Variants in PCCA observed in about 807,000 individuals in gnomAD.
PCCA encodes the protein propionyl-CoA carboxylase alpha chain, mitochondrial.
PCCA carries 74 observed loss-of-function variants against 101.3 expected under a neutral mutation model. The ratio of observed to expected loss-of-function variants is 0.73; its 90% CI spans 0.61 to 0.89. The LOEUF is 0.89. Ranked by LOEUF, PCCA falls within the 40% of genes least tolerant of loss-of-function variation. The pLI is 0.00. For synonymous variants in PCCA, 294 were observed against 313.6 expected, an observed-to-expected ratio of 0.94 and a Z score of 0.66; for missense variants, 891 against 907.0, an observed-to-expected ratio of 0.98 and a Z score of 0.23.
intron 21 of PCCA, among the ~76,000 whole-genome samples, chr13:100,482,237 G>A (rs1460839090): frequency 6.6e-6 from 1 of 152,230 alleles, no homozygotes; most frequent in Non-Finnish European, 1.5e-5. Flanking sequence ...AGCTAGAGCA[G>A]AGGACTGTGT....
At chr13:100,194,249 A>G (rs1427294137) in intron 6 of PCCA, among the ~76,000 whole-genome samples, 1 of 152,190 alleles carries the variant, frequency 6.6e-6, no homozygotes, top group Non-Finnish European at 1.5e-5. Context: ...CTATCCAGCA[A>G]TGGGATCAAA....
intron 1 of PCCA, among the ~76,000 whole-genome samples, chr13:100,097,306 A>G (rs760729727): frequency 6.6e-6 from 1 of 152,170 alleles, no homozygotes; most frequent in Non-Finnish European, 1.5e-5. Flanking sequence ...GTGATAAAAA[A>G]TGTCCTGGAA....
chr13:100,125,239 G>A (rs1360132673), intron 4 of PCCA, among the ~76,000 whole-genome samples: 1 of 152,002 alleles, frequency 6.6e-6, no homozygotes, highest in African/African-American at 2.4e-5. Flanking sequence ...GATGATGGCT[G>A]TCCTGGTCCA....
chr13:100,347,077 G>A (rs558669245), intron 18 of PCCA, among the ~76,000 whole-genome samples: 10 of 152,150 alleles, frequency 6.6e-5, no homozygotes, highest in African/African-American at 1.9e-4. Flanking sequence ...GGGTTTCACC[G>A]TGTTAGCCAG....
intron 4 of PCCA, among the ~76,000 whole-genome samples, chr13:100,128,610 G>GC (rs544005818): frequency 7.4e-4 from 113 of 152,232 alleles, no homozygotes; most frequent in African/African-American, 2.5e-3. Flanking sequence ...GACCGCGTGC[G>GC]CAAAGGCTCT....
intron 21 of PCCA, among the ~76,000 whole-genome samples, chr13:100,488,804 T>G (rs2084640958): frequency 6.6e-6 from 1 of 152,024 alleles, no homozygotes; most frequent in Non-Finnish European, 1.5e-5. Context: ...AGACCCTCCC[T>G]CACAAATAAA....
intron 20 of PCCA, among the ~76,000 whole-genome samples, chr13:100,447,338 T>G (rs1186518307): frequency 3.4e-5 from 5 of 147,810 alleles, no homozygotes; most frequent in South Asian, 2.2e-4. Flanking sequence ...GAGCCGAGAT[T>G]GTGCCACTGC....
chr13:100,259,570 T>C (rs905837961), intron 9 of PCCA, among the ~76,000 whole-genome samples: 1 of 151,954 alleles, frequency 6.6e-6, no homozygotes, highest in African/African-American at 2.4e-5. Flanking sequence ...CTTGACATCA[T>C]GATCTGCCTG....
chr13:100,421,710 A>G (rs2152887189), intron 19 of PCCA, among the ~76,000 whole-genome samples: 1 of 151,844 alleles, frequency 6.6e-6, no homozygotes, highest in East Asian at 1.9e-4. Flanking sequence ...TTTGAGATGG[A>G]GTCCCGCTCT....
At chr13:100,347,619 C>G (rs1219949925) in intron 18 of PCCA, among the ~76,000 whole-genome samples, 2 of 152,074 alleles carry the variant, frequency 1.3e-5, no homozygotes, top group Non-Finnish European at 2.9e-5. Flanking sequence ...AAGAAGCAAT[C>G]TTTATAGTCT....
At chr13:100,217,023 C>T (rs1269662623) in intron 7 of PCCA, among the ~76,000 whole-genome samples, 1 of 151,054 alleles carries the variant, frequency 6.6e-6, no homozygotes, top group East Asian at 2.0e-4. Context: ...GCCTGAGAAT[C>T]CCTTGAACCT....
At chr13:100,171,686 C>T (rs973082042) in intron 6 of PCCA, among the ~76,000 whole-genome samples, 1 of 152,070 alleles carries the variant, frequency 6.6e-6, no homozygotes, top group African/African-American at 2.4e-5. Flanking sequence ...TCCAGGAGTT[C>T]AAGACCAGCC....
intron 7 of PCCA, among the ~76,000 whole-genome samples, chr13:100,217,522 C>G (rs1226097512): frequency 6.6e-6 from 1 of 152,018 alleles, no homozygotes; most frequent in Non-Finnish European, 1.5e-5. Flanking sequence ...TAACATTGGA[C>G]TCAACCAAGC....
chr13:100,184,661 G>A (rs1318026683), intron 6 of PCCA, among the ~76,000 whole-genome samples: 1 of 152,184 alleles, frequency 6.6e-6, no homozygotes, highest in Admixed American at 6.5e-5. Context: ...TGTGAAAGCA[G>A]CCCTAGACTA....
At chr13:100,522,372 TC>T (rs2087371949) in intron 22 of PCCA, among the ~76,000 whole-genome samples, 2 of 152,182 alleles carry the variant, frequency 1.3e-5, no homozygotes, top group Non-Finnish European at 2.9e-5. Context: ...CAAAATACCA[TC>T]CATCAGGAGC....
At chr13:100,467,110 G>A (rs2082581587) in intron 21 of PCCA, among the ~76,000 whole-genome samples, 1 of 152,162 alleles carries the variant, frequency 6.6e-6, no homozygotes, top group African/African-American at 2.4e-5. Context: ...CAGGAAGTAA[G>A]GGATTTGCTC....
chr13:100,454,278 C>T (rs930372902), intron 21 of PCCA, among the ~76,000 whole-genome samples: 1 of 152,142 alleles, frequency 6.6e-6, no homozygotes, highest in Non-Finnish European at 1.5e-5. Context: ...TCTGTTTATA[C>T]AGTTTATACC....
At chr13:100,400,148 T>C (rs1006048494) in intron 19 of PCCA, among the ~76,000 whole-genome samples, 12 of 152,270 alleles carry the variant, frequency 7.9e-5, no homozygotes, top group African/African-American at 2.6e-4. Context: ...TGGCTTTGAG[T>C]GGATAAGTTT....
chr13:100,389,866 G>T (rs1340135293), intron 19 of PCCA, among the ~76,000 whole-genome samples: 1 of 152,220 alleles, frequency 6.6e-6, no homozygotes, highest in Non-Finnish European at 1.5e-5. Context: ...GTCTGGATGT[G>T]TGTGGAGTGC....
Sources: gnomAD v4.1 joint callset for allele counts (sites outside exome capture counted in the v4.1 genomes callset) on GRCh38, gnomAD v4.1.1 for gene constraint, MANE v1.5 for transcripts, NCBI Gene and HGNC (gene_info 2026-07-23, HGNC 2026-07-21) for gene names.